The following FREM2 variants were observed in gnomAD, a reference collection of about 807,000 sequenced individuals.
The protein encoded by FREM2 is FRAS1-related extracellular matrix protein 2.
A neutral mutation model predicts 219.9 loss-of-function variants in FREM2; 119 were observed. The observed-to-expected ratio is 0.54, with a 90% CI of 0.47 to 0.63. The LOEUF (loss-of-function observed/expected upper bound fraction) is 0.63, where lower values mean the gene tolerates loss of function less well. FREM2 is among the 30% of genes least tolerant of loss of function. The pLI, the probability that FREM2 is intolerant of heterozygous loss-of-function variation, is 0.00. For synonymous variants in FREM2, 1,562 were observed against 1,522.8 expected (o/e 1.03, Z -0.60); for missense variants, 4,030 against 3,993.6 (o/e 1.01, Z -0.25).
At chr13:38,798,181 T>C (rs1320573638) in intron 6 of FREM2, among the ~76,000 whole-genome samples, 3 of 152,150 alleles carry the variant, frequency 2.0e-5, no homozygotes, top group Non-Finnish European at 4.4e-5. Flanking sequence ...ATTTTTATTA[T>C]GATGGATGTT....
intron 4 of FREM2, among the ~76,000 whole-genome samples, chr13:38,781,099 T>G (rs1256270902): frequency 6.6e-6 from 1 of 152,166 alleles, no homozygotes; most frequent in Admixed American, 6.6e-5. Context: ...TCATGTGACC[T>G]GCCCACCACC....
At chr13:38,798,087 T>A (rs1369578416) in intron 6 of FREM2, among the ~76,000 whole-genome samples, 1 of 152,164 alleles carries the variant, frequency 6.6e-6, no homozygotes, top group Admixed American at 6.6e-5. Context: ...TTTTTCCTGT[T>A]GAACATGACG....
chr13:38,697,173 G>T lies in FREM2; in HGVS notation c.5174-525G>T, dbSNP rs542900734. Among the ~76,000 whole-genome samples, 8 of 152,116 alleles carry T rather than the reference G, an allele frequency of 5.3e-5. No individual in the cohort carries two copies. The East Asian group carries it at 1.4e-3, about 26-fold the overall frequency. On this transcript the variant is annotated intron_variant, in intron 1 of 23. Transcript: ENST00000280481. ...GTTATTTCAATGTGTGTGATTTTTT[G>T]AAAATATCATCTTATTTTTTTCTCT...
chr13:38,793,385 A>G (rs1270234420), intron 6 of FREM2, among the ~76,000 whole-genome samples: 1 of 152,204 alleles, frequency 6.6e-6, no homozygotes, highest in Non-Finnish European at 1.5e-5. Flanking sequence ...AAGGTATCCC[A>G]GTGAAGAGAG....
chr13:38,874,616 C>T (rs1878280596), intron 18 of FREM2, 30 bp downstream of exon 18: 1 of 1,545,996 alleles, frequency 6.5e-7, no homozygotes. Flanking sequence ...AACAACCACT[C>T]CTCACACAAA....
intron 2 of FREM2, among the ~76,000 whole-genome samples, chr13:38,698,920 A>G (rs1274040832): frequency 6.6e-6 from 1 of 152,208 alleles, no homozygotes; most frequent in Non-Finnish European, 1.5e-5. Context: ...CAGAGAGTCA[A>G]TCATGTGAGT....
intron 6 of FREM2, among the ~76,000 whole-genome samples, chr13:38,840,452 G>T: frequency 1.4e-5 from 2 of 148,102 alleles, no homozygotes. Context: ...TGCGGAGTCT[G>T]GCTCTGTCAC....
chr13:38,688,058 G>A lies in FREM2; in HGVS notation c.714G>A (p.Gln238=), dbSNP rs116236946. 366 of 1,608,526 alleles carry A rather than the reference G, an allele frequency of 2.3e-4. No homozygotes were observed. In the African/African-American group the frequency reaches 4.4e-3, roughly 19 times the overall value. The change falls in exon 1 of 24, where the codon CAG becomes CAA. Residue 238 remains glutamine, a synonymous_variant. Coordinates refer to ENST00000280481, the MANE Select transcript of FREM2 (RefSeq NM_207361.6). ...PRYGELLHYP[Q]VPGGAREGGA... ...ATGGAGAACTCCTCCACTACCCGCA[G>A]GTCCCTGGAGGAGCCAGAGAGGGAG...
chr13:38,808,519 G>A (rs574609410), intron 6 of FREM2, among the ~76,000 whole-genome samples: 1 of 151,834 alleles, frequency 6.6e-6, no homozygotes, highest in Non-Finnish European at 1.5e-5. Context: ...TGAAAACTTA[G>A]AAGCTATTGT....
chr13:38,749,128 C>G (rs1872602220), intron 2 of FREM2, among the ~76,000 whole-genome samples: 1 of 152,146 alleles, frequency 6.6e-6, no homozygotes, highest in East Asian at 1.9e-4. Context: ...AAACATCTAA[C>G]ATGGAAATCA....
chr13:38,832,882 A>G (rs573713365), intron 6 of FREM2, among the ~76,000 whole-genome samples: 1 of 152,098 alleles, frequency 6.6e-6, no homozygotes, highest in South Asian at 2.1e-4. Context: ...CCATCTCTAC[A>G]TTAGAAATTA....
At chr13:38,787,851 C>T (rs1257640226) in intron 6 of FREM2, among the ~76,000 whole-genome samples, 1 of 151,526 alleles carries the variant, frequency 6.6e-6, no homozygotes, top group Non-Finnish European at 1.5e-5. Context: ...TCAGTCCAGT[C>T]ACAGAATAAG....
chr13:38,786,514 TAAAG>T (rs1874336022), intron 6 of FREM2, among the ~76,000 whole-genome samples: 1 of 152,172 alleles, frequency 6.6e-6, no homozygotes, highest in Admixed American at 6.6e-5. Context: ...TAATTTATCT[TAAAG>T]AAAGAGCAAT....
intron 3 of FREM2, among the ~76,000 whole-genome samples, chr13:38,767,529 G>T (rs1159247061): frequency 6.6e-6 from 1 of 152,278 alleles, no homozygotes; most frequent in East Asian, 1.9e-4. Flanking sequence ...CATTGCTGAT[G>T]AAAGAAAACA....
At chr13:38,850,868 C>A in intron 9 of FREM2, 76 bp from the exon 10 acceptor site, 1 of 1,546,148 alleles carries the variant, frequency 6.5e-7, no homozygotes, top group Non-Finnish European at 8.8e-7. Flanking sequence ...AACAAACTTG[C>A]CCTTATGGTG....
chr13:38,858,174 T>C (rs1877631600), intron 13 of FREM2, 141 bp downstream of exon 13: 3 of 750,034 alleles, frequency 4.0e-6, no homozygotes, highest in Non-Finnish European at 6.7e-6. Flanking sequence ...TTTGCATATA[T>C]AACACTAATC....
At chr13:38,719,563 G>A (rs1347749464) in intron 2 of FREM2, among the ~76,000 whole-genome samples, 2 of 152,116 alleles carry the variant, frequency 1.3e-5, no homozygotes, top group African/African-American at 4.8e-5. Context: ...CTGACTTTCT[G>A]TCTCTCCTTC....
rs2138061957 is a variant in FREM2, at chr13:38,687,729, T to C, written c.385T>C (p.Cys129Arg). Residue 129 changes from cysteine (C) to arginine (R), a missense_variant, in exon 1 of 24, where the codon TGC becomes CGC. By Grantham distance (180) the Cys-to-Arg change is radical. Coordinates refer to ENST00000280481, the MANE Select transcript of FREM2 (RefSeq NM_207361.6). ...PGRLSPKRFP[C>R]DFGPGEVRYS... ...CCGCCTGAGTCCCAAGCGCTTCCCGTGCGACTTTGGCCCTGGCGAGGTGCG... is the reference window on the plus strand; with the variant it reads ...CCGCCTGAGTCCCAAGCGCTTCCCGCGCGACTTTGGCCCTGGCGAGGTGCG... 1 of 1,549,486 alleles carries C rather than the reference T, an allele frequency of 6.5e-7. No homozygotes were observed. Among genetic ancestry groups the C allele is most frequent in the Non-Finnish European group, 8.7e-7 (1 of 1,145,068 alleles).
intron 8 of FREM2, among the ~76,000 whole-genome samples, chr13:38,849,516 T>C (rs371513121): frequency 1.3e-5 from 2 of 152,296 alleles, no homozygotes; most frequent in African/African-American, 4.8e-5. Context: ...TGACACGTCA[T>C]CACAAGGGAA....
Sources: allele counts gnomAD v4.1 joint callset (sites outside exome capture counted in the v4.1 genomes callset), GRCh38; gene constraint gnomAD v4.1.1; transcripts MANE v1.5; gene names NCBI Gene and HGNC (gene_info 2026-07-23, HGNC 2026-07-21).